TMCC1: variants seen among roughly 807,000 people sequenced by gnomAD.
TMCC1 encodes the protein transmembrane and coiled-coil domains protein 1.
TMCC1 carries 15 observed loss-of-function variants against 52.4 expected under a neutral mutation model. The ratio of observed to expected loss-of-function variants is 0.29; its 90% CI spans 0.19 to 0.44. The LOEUF (loss-of-function observed/expected upper bound fraction) is 0.44, where lower values mean the gene tolerates loss of function less well. TMCC1 is among the 20% of genes least tolerant of loss of function. TMCC1 has a pLI of 1.00. For synonymous variants in TMCC1, 279 were observed against 301.9 expected (o/e 0.92, Z 0.79); for missense variants, 503 against 806.0 (o/e 0.62, Z 4.55).
chr3:129,783,165 A>T (rs2107729864), intron 4 of TMCC1, among the ~76,000 whole-genome samples: 1 of 152,324 alleles, frequency 6.6e-6, no homozygotes, highest in South Asian at 2.1e-4. Context: ...CTCTCTTCAG[A>T]TGAATGACAT....
intron 4 of TMCC1, among the ~76,000 whole-genome samples, chr3:129,718,347 G>A (rs1035311306): frequency 6.6e-6 from 1 of 152,204 alleles, no homozygotes; most frequent in Admixed American, 6.5e-5. Context: ...CTAGCAGTGA[G>A]TGAAGTATTG....
chr3:129,675,602 C>G (rs1393629512), intron 4 of TMCC1, among the ~76,000 whole-genome samples: 1 of 152,144 alleles, frequency 6.6e-6, no homozygotes. Context: ...TTCCACATTT[C>G]AGGCATGAAC....
intron 4 of TMCC1, among the ~76,000 whole-genome samples, chr3:129,739,155 A>G (rs1203500652): frequency 6.6e-6 from 1 of 152,120 alleles, no homozygotes; most frequent in East Asian, 1.9e-4. Flanking sequence ...TTAAAGATTA[A>G]AAGATATCCT....
chr3:129,776,033 G>C (rs1424597502), intron 4 of TMCC1, among the ~76,000 whole-genome samples: 6 of 152,042 alleles, frequency 3.9e-5, no homozygotes, highest in Non-Finnish European at 7.4e-5. Flanking sequence ...CCGTTGTTAG[G>C]GCCTTTGCAC....
chr3:129,849,634 C>T (rs967413597), intron 2 of TMCC1, among the ~76,000 whole-genome samples: 24 of 151,536 alleles, frequency 1.6e-4, no homozygotes, highest in Non-Finnish European at 2.5e-4. Context: ...GGGGTGGTGG[C>T]GGGCACCTGT....
At chr3:129,666,064 C>A (rs538011694) in intron 5 of TMCC1, among the ~76,000 whole-genome samples, 1 of 152,270 alleles carries the variant, frequency 6.6e-6, no homozygotes, top group Non-Finnish European at 1.5e-5. Context: ...AGCATCCACG[C>A]ATGCATTAAC....
At chr3:129,695,375 T>C (rs1176285556) in intron 4 of TMCC1, among the ~76,000 whole-genome samples, 1 of 152,144 alleles carries the variant, frequency 6.6e-6, no homozygotes, top group Non-Finnish European at 1.5e-5. Context: ...TGTGATGCAA[T>C]GTGTATTAGT....
intron 4 of TMCC1, among the ~76,000 whole-genome samples, chr3:129,787,921 T>C (rs2056155465): frequency 1.3e-5 from 2 of 152,224 alleles, no homozygotes; most frequent in Non-Finnish European, 1.5e-5. Context: ...TAAAATTTAC[T>C]TTCACATTAT....
At chr3:129,705,884 G>A (rs1186459909) in intron 4 of TMCC1, among the ~76,000 whole-genome samples, 11 of 91,830 alleles carry the variant, frequency 1.2e-4, no homozygotes, top group African/African-American at 4.7e-4. Flanking sequence ...GAGCCACCGC[G>A]CCCGGCCTTT....
chr3:129,833,883 T>C (rs375577714), intron 2 of TMCC1, among the ~76,000 whole-genome samples: 158 of 152,356 alleles, frequency 1.0e-3, no homozygotes, highest in African/African-American at 3.4e-3. Context: ...TTGCTTCTGA[T>C]GGGTATTACC....
chr3:129,721,704 C>CAAAAAAAAAA (rs765601986), intron 4 of TMCC1, among the ~76,000 whole-genome samples: 119 of 75,218 alleles, frequency 1.6e-3, no homozygotes, highest in East Asian at 3.9e-3. Context: ...ACTAAAAATA[C>CAAAAAAAAAA]AAAAAAAAAA....
At chr3:129,711,213 C>T (rs1193291387) in intron 4 of TMCC1, among the ~76,000 whole-genome samples, 1 of 152,200 alleles carries the variant, frequency 6.6e-6, no homozygotes, top group African/African-American at 2.4e-5. Flanking sequence ...GACTGATGCA[C>T]TCCAGAATCA....
chr3:129,859,651 TAC>T lies in TMCC1; in HGVS notation c.-184+20656_-184+20657del, dbSNP rs59213877. Among the ~76,000 whole-genome samples the T allele has an allele frequency of 6.0e-3, 895 of 148,778 alleles. 9 individuals are homozygous for T. The highest frequency in any genetic ancestry group is 0.02 in the African/African-American group (827 of 40,358). On this transcript the variant is annotated intron_variant, in intron 2 of 6. Transcript: ENST00000393238. ...AACCCTGTCTCAAAACACACACACATACACACACACACACACACACACACACA... is the reference window on the plus strand; with the variant it reads ...AACCCTGTCTCAAAACACACACACATACACACACACACACACACACACACA...
chr3:129,891,768 G>A (rs147194038), intron 1 of TMCC1, among the ~76,000 whole-genome samples: 4 of 152,304 alleles, frequency 2.6e-5, no homozygotes, highest in Admixed American at 6.5e-5. Context: ...AACATTTGAT[G>A]AATTAATGAA....
In TMCC1 at chr3:129,761,687, A is replaced by T. The variant is rs541059367; in HGVS notation, c.576+66116T>A. 3.9e-5 allele frequency among the ~76,000 whole-genome samples: 6 copies of T among 152,164 alleles called. No individual in the cohort carries two copies. In the South Asian group the frequency reaches 8.3e-4, roughly 21 times the overall value. ...ATTAACAAGAGACTCCAAGAATAGA[A>T]ATGGGAAAAGAGTACTAGCAGAGCT... On this transcript the variant is annotated intron_variant, in intron 4 of 6. Coordinates refer to ENST00000393238, the MANE Select transcript of TMCC1 (RefSeq NM_001017395.5).
intron 4 of TMCC1, among the ~76,000 whole-genome samples, chr3:129,686,867 G>T (rs1373576210): frequency 6.6e-6 from 1 of 152,190 alleles, no homozygotes; most frequent in Non-Finnish European, 1.5e-5. Flanking sequence ...CACTATTACA[G>T]TAGGTTTCAC....
At chr3:129,710,415 G>A (rs1415374510) in intron 4 of TMCC1, among the ~76,000 whole-genome samples, 4 of 151,916 alleles carry the variant, frequency 2.6e-5, no homozygotes, top group African/African-American at 9.7e-5. Context: ...ATTCTGCCTC[G>A]GACTCCCAAG....
At chr3:129,693,379 A>G (rs1242450409) in intron 4 of TMCC1, among the ~76,000 whole-genome samples, 1 of 152,008 alleles carries the variant, frequency 6.6e-6, no homozygotes, top group East Asian at 1.9e-4. Flanking sequence ...CAATTGTAGT[A>G]CCTTATCTTT....
At chr3:129,775,002 G>C (rs1184402217) in intron 4 of TMCC1, among the ~76,000 whole-genome samples, 1 of 152,106 alleles carries the variant, frequency 6.6e-6, no homozygotes, top group Non-Finnish European at 1.5e-5. Flanking sequence ...AATATAGAAG[G>C]CAAGGAGACC....
Sources: gnomAD v4.1 joint callset for allele counts (sites outside exome capture counted in the v4.1 genomes callset) on GRCh38, gnomAD v4.1.1 for gene constraint, MANE v1.5 for transcripts, NCBI Gene and HGNC (gene_info 2026-07-23, HGNC 2026-07-21) for gene names.